Variants in NCOA2 observed in about 807,000 individuals in gnomAD.
The protein encoded by NCOA2 is nuclear receptor coactivator 2.
Under a neutral mutation model 145.1 loss-of-function variants are expected in NCOA2, and 21 were observed. The ratio of observed to expected loss-of-function variants is 0.14; its 90% CI spans 0.10 to 0.21. The LOEUF (loss-of-function observed/expected upper bound fraction) is 0.21, where lower values mean the gene tolerates loss of function less well. Ranked by LOEUF, NCOA2 falls within the 10% of genes least tolerant of loss-of-function variation. NCOA2 has a pLI of 1.00. For synonymous variants in NCOA2, 619 were observed against 637.5 expected (o/e 0.97, Z 0.44); for missense variants, 1,472 against 1,837.6 (o/e 0.80, Z 3.64).
At chr8:70,311,458 T>A (rs1255012628) in intron 1 of NCOA2, among the ~76,000 whole-genome samples, 1 of 152,126 alleles carries the variant, frequency 6.6e-6, no homozygotes, top group Non-Finnish European at 1.5e-5. Context: ...AAGAAAAAAA[T>A]TATCACTGCT....
chr8:70,414,603 G>T, the NCOA2 span, among the ~76,000 whole-genome samples: 1 of 152,190 alleles, frequency 6.6e-6, no homozygotes, highest in African/African-American at 2.4e-5. Flanking sequence ...AAATGCATAT[G>T]ATGGTTATGT....
intron 2 of NCOA2, among the ~76,000 whole-genome samples, chr8:70,259,558 T>C (rs1474962475): frequency 6.6e-6 from 1 of 152,168 alleles, no homozygotes; most frequent in Non-Finnish European, 1.5e-5. Context: ...GAAAAATAAT[T>C]ATTACTAAAA....
intron 22 of NCOA2, among the ~76,000 whole-genome samples, chr8:70,114,251 C>G (rs979072022): frequency 1.3e-5 from 2 of 152,126 alleles, no homozygotes; most frequent in African/African-American, 2.4e-5. Context: ...GTCTCAAACT[C>G]CTGACCTCAA....
upstream of NCOA2, among the ~76,000 whole-genome samples, chr8:70,405,439 T>TG (rs1293460639): frequency 3.6e-5 from 4 of 111,506 alleles, no homozygotes; most frequent in Non-Finnish European, 7.0e-5. Context: ...TTTTAAAGGT[T>TG]TTTTTTTTTT....
At chr8:70,400,091 TTA>T (rs981786759) in intron 1 of NCOA2, among the ~76,000 whole-genome samples, 35 of 152,340 alleles carry the variant, frequency 2.3e-4, no homozygotes, top group African/African-American at 7.2e-4. Flanking sequence ...GCCTTACATT[TTA>T]TATTTCCAAT....
chr8:70,334,974 C>T (rs1448981571), intron 1 of NCOA2, among the ~76,000 whole-genome samples: 8 of 151,464 alleles, frequency 5.3e-5, no homozygotes, highest in African/African-American at 1.9e-4. Flanking sequence ...AATAAAAAAA[C>T]TAGCCAGGTG....
the NCOA2 span, among the ~76,000 whole-genome samples, chr8:70,450,952 C>T: frequency 6.6e-6 from 1 of 150,842 alleles, no homozygotes. Flanking sequence ...CACAGTGGCT[C>T]ATGCCTGTAA....
At chr8:70,152,038 A>T (rs1353638562) in intron 11 of NCOA2, among the ~76,000 whole-genome samples, 1 of 152,228 alleles carries the variant, frequency 6.6e-6, no homozygotes. Flanking sequence ...TGTTAGGCAC[A>T]ATTTCTTTAC....
At chr8:70,250,616 G>T (rs1481555174) in intron 2 of NCOA2, among the ~76,000 whole-genome samples, 1 of 151,818 alleles carries the variant, frequency 6.6e-6, no homozygotes, top group East Asian at 1.9e-4. Context: ...GGGTATGAAG[G>T]GTACATGGAA....
intron 1 of NCOA2, among the ~76,000 whole-genome samples, chr8:70,368,608 TAAGTA>T (rs1810924261): frequency 6.6e-6 from 1 of 152,226 alleles, no homozygotes; most frequent in South Asian, 2.1e-4. Context: ...TAAAACAGCT[TAAGTA>T]TAGTTTAGAC....
chr8:70,285,856 AGAG>A (rs1197088256), intron 2 of NCOA2, among the ~76,000 whole-genome samples: 2 of 152,212 alleles, frequency 1.3e-5, no homozygotes, highest in East Asian at 3.8e-4. Context: ...TTGTATCACT[AGAG>A]GAGGCTCTAT....
intron 2 of NCOA2, among the ~76,000 whole-genome samples, chr8:70,240,804 C>A (rs1034870883): frequency 6.6e-6 from 1 of 152,124 alleles, no homozygotes; most frequent in African/African-American, 2.4e-5. Context: ...CCTGCAGGAA[C>A]CTAGCCCTCA....
intron 1 of NCOA2, among the ~76,000 whole-genome samples, chr8:70,385,376 C>G (rs950024289): frequency 2.0e-5 from 3 of 152,206 alleles, no homozygotes. Context: ...AGTGCTACAC[C>G]AAACTGCCTT....
At chr8:70,144,438 A>C (rs1355209724) in intron 13 of NCOA2, among the ~76,000 whole-genome samples, 1 of 152,210 alleles carries the variant, frequency 6.6e-6, no homozygotes, top group African/African-American at 2.4e-5. Flanking sequence ...TAAAAGTAAC[A>C]ATCACAGAAT....
chr8:70,127,990 G>A (rs756936745), intron 18 of NCOA2, among the ~76,000 whole-genome samples: 18 of 152,162 alleles, frequency 1.2e-4, no homozygotes, highest in African/African-American at 3.4e-4. Context: ...TGCAAGAGGC[G>A]GTGATGTGCC....
At chr8:70,207,540 TC>T (rs1212135609) in intron 4 of NCOA2, among the ~76,000 whole-genome samples, 1 of 152,126 alleles carries the variant, frequency 6.6e-6, no homozygotes, top group Non-Finnish European at 1.5e-5. Context: ...TATATGTAGT[TC>T]AGTGGAAAAA....
chr8:70,233,489 C>T (rs1821328890), intron 2 of NCOA2, among the ~76,000 whole-genome samples: 2 of 152,168 alleles, frequency 1.3e-5, no homozygotes, highest in African/African-American at 4.8e-5. Flanking sequence ...AGATTATTCT[C>T]CTATTCCCTT....
chr8:70,135,011 G>A (rs73687606), intron 15 of NCOA2, among the ~76,000 whole-genome samples: 8,442 of 152,054 alleles, frequency 0.056, 781 homozygotes, highest in African/African-American at 0.19. Context: ...TGGTTCTTCA[G>A]CTCTCCCAGG....
At chr8:70,455,653 T>C in the NCOA2 span, among the ~76,000 whole-genome samples, 7 of 151,404 alleles carry the variant, frequency 4.6e-5, no homozygotes, top group Non-Finnish European at 7.4e-5. Flanking sequence ...AAAAAAAAAA[T>C]CACCCAACGC....
Sources: allele counts gnomAD v4.1 joint callset (sites outside exome capture counted in the v4.1 genomes callset), GRCh38; gene constraint gnomAD v4.1.1; transcripts MANE v1.5; gene names NCBI Gene and HGNC (gene_info 2026-07-23, HGNC 2026-07-21).